MTFR1: variants seen among roughly 807,000 people sequenced by gnomAD.
MTFR1 encodes chondrocyte protein with a poly-proline region.
In MTFR1, 28 loss-of-function variants were observed where a neutral mutation model predicts 38.8. The observed-to-expected ratio is 0.72, with a 90% CI of 0.53 to 0.99. The LOEUF is 0.99. Ranked by LOEUF, MTFR1 falls within the 50% of genes least tolerant of loss-of-function variation. The probability of loss-of-function intolerance (pLI) is 0.00; values close to 1 mark genes in which losing one functional copy is unlikely to be tolerated. For synonymous variants in MTFR1, 145 were observed against 137.0 expected (o/e 1.06, Z -0.41); for missense variants, 358 against 395.5 (o/e 0.91, Z 0.81).
downstream of MTFR1, among the ~76,000 whole-genome samples, chr8:65,712,868 A>G (rs1805991101): frequency 6.6e-6 from 1 of 152,260 alleles, no homozygotes; most frequent in African/African-American, 2.4e-5. Context: ...ATTCATCTTT[A>G]GATCTGTAAC....
At chr8:65,714,749 T>C (rs1231099542), downstream of MTFR1, 2 of 152,210 alleles carry the variant, frequency 1.3e-5, no homozygotes, top group African/African-American at 4.8e-5. Flanking sequence ...ATACCTGATG[T>C]GAGAGTTTTA....
At chr8:65,649,710 C>T (rs540202741) in intron 1 of MTFR1, among the ~76,000 whole-genome samples, 24 of 152,130 alleles carry the variant, frequency 1.6e-4, no homozygotes, top group Admixed American at 2.6e-4. Flanking sequence ...TATAGTCATC[C>T]TGTGATGCTA....
rs1312038344 is a variant in MTFR1, at chr8:65,736,833, A to C, written c.*48+17352A>C. 1.1e-4 allele frequency among the ~76,000 whole-genome samples: 17 copies of C among 149,284 alleles called. No homozygotes were observed. In the East Asian group the frequency reaches 3.4e-3, roughly 30 times the overall value. ...GCCAGAGTTCTAAGTAGAAGTCTGA[A>C]GTCTGAGTTAATATTTCTAGCTCTT... On this transcript the variant is annotated intron_variant, in intron 3 of 3. Transcript: ENST00000521247.
At chr8:65,681,887 C>T (rs1229550297) in intron 2 of MTFR1, among the ~76,000 whole-genome samples, 1 of 152,024 alleles carries the variant, frequency 6.6e-6, no homozygotes, top group African/African-American at 2.4e-5. Flanking sequence ...GAGCACCCTG[C>T]ATGGTACACA....
At chr8:65,714,511 T>A (rs1585810352), downstream of MTFR1, 3 of 152,118 alleles carry the variant, frequency 2.0e-5, no homozygotes, top group African/African-American at 7.2e-5. Context: ...ACACAAGTCA[T>A]TATTAGCAAG....
chr8:65,654,871 C>T (rs1295737286), intron 1 of MTFR1, among the ~76,000 whole-genome samples: 1 of 152,178 alleles, frequency 6.6e-6, no homozygotes, highest in Non-Finnish European at 1.5e-5. Context: ...GCCACCGTGC[C>T]TGGCCTGGCA....
chr8:65,723,491 A>T (rs1324230992), intron 3 of MTFR1: 3 of 1,374,240 alleles, frequency 2.2e-6, no homozygotes, highest in Non-Finnish European at 2.9e-6. Context: ...CCTTCTTGAT[A>T]AAAACAGTGG....
At chr8:65,649,156 T>C (rs1323096861) in intron 1 of MTFR1, among the ~76,000 whole-genome samples, 1 of 152,104 alleles carries the variant, frequency 6.6e-6, no homozygotes, top group East Asian at 1.9e-4. Context: ...GTGTATAGGT[T>C]ATATGGAAAT....
At position 65,752,532 on chromosome 8, in the gene MTFR1, T is replaced by C. The variant is rs555774427; in HGVS notation, c.*49-18415T>C. 3.3e-5 allele frequency among the ~76,000 whole-genome samples: 5 copies of C among 152,324 alleles called. 1 individual carries two copies. In the South Asian group the frequency reaches 1.0e-3, roughly 32 times the overall value. ...CAAAATCTGAGGCAAACCTGTTATT[T>C]TTGCCCTTGTAAGTGACTAGGTATT... is the stretch of plus-strand genomic sequence containing the variant. On this transcript the variant is annotated intron_variant, in intron 3 of 3. Coordinates refer to the MTFR1 transcript ENST00000521247.
At chr8:65,649,618 A>C (rs778583053) in intron 1 of MTFR1, among the ~76,000 whole-genome samples, 2 of 152,188 alleles carry the variant, frequency 1.3e-5, no homozygotes, top group Non-Finnish European at 2.9e-5. Flanking sequence ...TATCCACCTC[A>C]AGTATTTATC....
At chr8:65,664,415 G>C (rs1804312844) in intron 1 of MTFR1, among the ~76,000 whole-genome samples, 1 of 152,068 alleles carries the variant, frequency 6.6e-6, no homozygotes, top group Admixed American at 6.6e-5. Context: ...CTAATATATG[G>C]TTGCAAATGT....
chr8:65,744,389 C>T (rs1807579943), intron 3 of MTFR1, among the ~76,000 whole-genome samples: 1 of 152,122 alleles, frequency 6.6e-6, no homozygotes, highest in Admixed American at 6.6e-5. Context: ...CTCAATTGTA[C>T]CACCAATAAT....
chr8:65,735,617 GC>G (rs774869846), intron 3 of MTFR1, among the ~76,000 whole-genome samples: 1 of 151,794 alleles, frequency 6.6e-6, no homozygotes, highest in Non-Finnish European at 1.5e-5. Flanking sequence ...CACCTAATAA[GC>G]TATTTTTGTA....
chr8:65,771,045 A>G (rs370159552), exon 4 of MTFR1: 7 of 383,856 alleles, frequency 1.8e-5, no homozygotes, highest in East Asian at 2.0e-4. Context: ...GGACTATGAC[A>G]AAAACAATCC....
upstream of MTFR1, among the ~76,000 whole-genome samples, chr8:65,644,051 T>C (rs76980069): frequency 0.031 from 4,772 of 152,254 alleles, 93 homozygotes; most frequent in Middle Eastern, 0.054. Context: ...CTACCCTACA[T>C]AGGAATCTTT....
intron 3 of MTFR1, among the ~76,000 whole-genome samples, chr8:65,729,953 G>A (rs1395512845): frequency 6.6e-6 from 1 of 151,880 alleles, no homozygotes; most frequent in African/African-American, 2.4e-5. Flanking sequence ...AAGGCAAAAG[G>A]ACAAGGCGGT....
intron 3 of MTFR1, among the ~76,000 whole-genome samples, chr8:65,767,786 C>G (rs191797407): frequency 6.6e-6 from 1 of 152,358 alleles, no homozygotes; most frequent in East Asian, 1.9e-4. Context: ...CTACACATCT[C>G]TTCATCTGGA....
At chr8:65,712,124 C>G (rs1291822068), downstream of MTFR1, among the ~76,000 whole-genome samples, 2 of 152,314 alleles carry the variant, frequency 1.3e-5, no homozygotes, top group East Asian at 3.9e-4. Flanking sequence ...GCCAGATACA[C>G]TTTTTATCGA....
rs191019855 is a variant in MTFR1 at position 65,740,521 on chromosome 8, C to T, written c.*48+21040C>T. On this transcript the variant is annotated intron_variant, in intron 3 of 3. Coordinates refer to the MTFR1 transcript ENST00000521247. The stretch of plus-strand genomic sequence containing the variant: ...GTTCAAGCGATTCTCCTGCCTCAGC[C>T]TCCCGAGTAGCAGGGAGTACAGGCA... Among the ~76,000 whole-genome samples the T allele has an allele frequency of 7.8e-4, 119 of 152,278 alleles. 1 individual carries two copies. Among genetic ancestry groups the T allele is most frequent in the Admixed American group, 2.9e-3 (45 of 15,290 alleles).
Sources: allele counts gnomAD v4.1 joint callset (sites outside exome capture counted in the v4.1 genomes callset), GRCh38; gene constraint gnomAD v4.1.1; transcripts MANE v1.5; gene names NCBI Gene and HGNC (gene_info 2026-07-23, HGNC 2026-07-21).